DOCK3: variants seen among roughly 807,000 people sequenced by gnomAD.
The protein encoded by DOCK3 is dedicator of cytokinesis protein 3.
Under a neutral mutation model 265.6 loss-of-function variants are expected in DOCK3, and 60 were observed. The observed-to-expected ratio is 0.23, with a 90% CI of 0.18 to 0.28. The LOEUF is 0.28. Ranked by LOEUF, DOCK3 falls within the 10% of genes least tolerant of loss-of-function variation. DOCK3 has a pLI of 1.00. For missense variants in DOCK3, 1,981 were observed against 2,594.3 expected (o/e 0.76, Z 5.14); for synonymous variants, 881 against 938.0 (o/e 0.94, Z 1.11).
chr3:50,857,340 CA>C (rs1226133957), intron 3 of DOCK3, among the ~76,000 whole-genome samples: 1 of 152,100 alleles, frequency 6.6e-6, no homozygotes, highest in Non-Finnish European at 1.5e-5. Flanking sequence ...ATTACTGATT[CA>C]ATTTTTAAAC....
At chr3:51,248,951 G>A (rs1218909804) in intron 22 of DOCK3, among the ~76,000 whole-genome samples, 4 of 146,560 alleles carry the variant, frequency 2.7e-5, no homozygotes, top group East Asian at 2.1e-4. Context: ...GAGACCCTCC[G>A]CCCGGCAGCC....
chr3:50,841,743 C>CTTTTTCTTTTTTT, intron 3 of DOCK3, 28 bp downstream of exon 3: 1 of 483,404 alleles, frequency 2.1e-6, no homozygotes. Context: ...GTTACCTTTT[C>CTTTTTCTTTTTTT]TAATGTAGGA....
At chr3:50,736,169 C>T (rs192558492) in intron 1 of DOCK3, among the ~76,000 whole-genome samples, 7 of 152,032 alleles carry the variant, frequency 4.6e-5, no homozygotes, top group South Asian at 2.1e-4. Flanking sequence ...TTTTGTCTTG[C>T]GATAGTTTGC....
chr3:51,223,569 T>G (rs1019038115), intron 14 of DOCK3, among the ~76,000 whole-genome samples: 1 of 152,024 alleles, frequency 6.6e-6, no homozygotes, highest in Non-Finnish European at 1.5e-5. Flanking sequence ...ATAAAAAAAA[T>G]CTAGACTATT....
intron 27 of DOCK3, among the ~76,000 whole-genome samples, chr3:51,306,193 G>T (rs2082682921): frequency 6.6e-6 from 1 of 151,802 alleles, no homozygotes; most frequent in African/African-American, 2.4e-5. Context: ...TGGTAGTTTT[G>T]CTGGCTGTAG....
chr3:51,302,493 C>T (rs1250463021), intron 27 of DOCK3, among the ~76,000 whole-genome samples: 1 of 151,542 alleles, frequency 6.6e-6, no homozygotes, highest in Non-Finnish European at 1.5e-5. Context: ...ATTTTGCAGA[C>T]TTGTTGATGT....
intron 5 of DOCK3, among the ~76,000 whole-genome samples, chr3:50,994,961 C>G (rs988651614): frequency 6.6e-6 from 1 of 152,094 alleles, no homozygotes; most frequent in Admixed American, 6.5e-5. Context: ...ACCTGTATAG[C>G]ATGATTTTCT....
chr3:51,087,692 G>C (rs1293928661), intron 7 of DOCK3, among the ~76,000 whole-genome samples: 1 of 152,098 alleles, frequency 6.6e-6, no homozygotes, highest in Admixed American at 6.6e-5. Flanking sequence ...AAGTCAAATT[G>C]TTCCTCTTTG....
chr3:51,062,346 T>C (rs975913281), intron 5 of DOCK3, among the ~76,000 whole-genome samples: 2 of 152,178 alleles, frequency 1.3e-5, no homozygotes, highest in African/African-American at 2.4e-5. Context: ...TGACCCTGTT[T>C]TTCCTGAACA....
chr3:50,797,327 G>T lies in DOCK3; in HGVS notation c.121+18569G>T, dbSNP rs141473884. 8.6e-4 allele frequency among the ~76,000 whole-genome samples: 131 copies of T among 152,316 alleles called. 2 individuals are homozygous for T. In the East Asian group the frequency reaches 0.025, roughly 29 times the overall value. On this transcript the variant is annotated intron_variant, in intron 2 of 52. Transcript: ENST00000266037. ...AGTCACTCAGAAAGTGGGAGAGTCCGCTCTTCTCTAGGTCTAGTTTCACTC... is the reference window on the plus strand; with the variant it reads ...AGTCACTCAGAAAGTGGGAGAGTCCTCTCTTCTCTAGGTCTAGTTTCACTC...
chr3:50,864,835 A>T (rs2047067800), intron 3 of DOCK3, among the ~76,000 whole-genome samples: 2 of 151,846 alleles, frequency 1.3e-5, no homozygotes, highest in Non-Finnish European at 2.9e-5. Flanking sequence ...TGTTTTGGTT[A>T]CTATAGCTTT....
chr3:51,210,248 C>A (rs1043292720), intron 13 of DOCK3, among the ~76,000 whole-genome samples: 1 of 152,202 alleles, frequency 6.6e-6, no homozygotes, highest in African/African-American at 2.4e-5. Context: ...CCAGAGCGAG[C>A]AGGGACTGTG....
intron 51 of DOCK3, chr3:51,379,585 C>T: frequency 1.0e-6 from 1 of 985,470 alleles, no homozygotes; most frequent in African/African-American, 1.7e-5. Flanking sequence ...AGAAGACCTC[C>T]AGCGGGTCCC....
chr3:50,733,435 A>G (rs2038345300), intron 1 of DOCK3, among the ~76,000 whole-genome samples: 1 of 152,174 alleles, frequency 6.6e-6, no homozygotes, highest in Non-Finnish European at 1.5e-5. Flanking sequence ...TACTACTGTT[A>G]TATTCCCTTC....
In DOCK3 at chr3:51,277,700, C is replaced by A. The variant is rs773077569; in HGVS notation, c.2769C>A (p.His923Gln). The A allele has an allele frequency of 1.2e-6, 2 of 1,611,070 alleles. No individual in the cohort carries two copies. Among genetic ancestry groups the A allele is most frequent in the Non-Finnish European group, 1.7e-6 (2 of 1,178,982 alleles). ...TGCTCACCATCATGAGCAAATCGCA[C>A]GCTCAGGAGGCGGTAAGAGGGCAGC... ...QTLLTIMSKS[H>Q]AQEAVRGQRC... The change falls in exon 26 of 53, where the codon CAC becomes CAA. Residue 923 changes from histidine (H) to glutamine (Q), a missense_variant. Coordinates refer to ENST00000266037, the MANE Select transcript of DOCK3 (RefSeq NM_004947.5).
At chr3:50,856,765 G>A (rs1315110187) in intron 3 of DOCK3, among the ~76,000 whole-genome samples, 1 of 152,000 alleles carries the variant, frequency 6.6e-6, no homozygotes, top group Non-Finnish European at 1.5e-5. Context: ...CCTTGTTCCA[G>A]TTCTTAGGAG....
chr3:51,195,417 C>CT (rs756616391), intron 12 of DOCK3, among the ~76,000 whole-genome samples: 17 of 151,420 alleles, frequency 1.1e-4, no homozygotes, highest in Admixed American at 3.3e-4. Flanking sequence ...GTTTTCTTTT[C>CT]TTTTTTTGTT....
At chr3:50,994,388 A>G (rs1402927996) in intron 5 of DOCK3, among the ~76,000 whole-genome samples, 1 of 152,176 alleles carries the variant, frequency 6.6e-6, no homozygotes, top group Non-Finnish European at 1.5e-5. Flanking sequence ...TTTTCAGTAA[A>G]GGAAACTCTG....
At position 50,675,271 on chromosome 3, in the gene DOCK3, C is replaced by A; in HGVS notation, c.8C>A (p.Thr3Asn). 1 of 1,256,378 alleles carries A rather than the reference C, an allele frequency of 8.0e-7. No individual in the cohort carries two copies. The highest frequency in any genetic ancestry group is 1.0e-6 in the Non-Finnish European group (1 of 985,588). The allele number at this position is 1,256,378 out of a possible 1,614,324, so 77.8% of individuals were successfully genotyped here. MW[T>N]PTEEEKYGVV... ...GCCGCGCCCGGCACGGCCATGTGGACCCCCACGGAGGAGGAGAAATACGGC... is the reference window on the plus strand; with the variant it reads ...GCCGCGCCCGGCACGGCCATGTGGAACCCCACGGAGGAGGAGAAATACGGC... The change falls in exon 1 of 53, where the codon ACC becomes AAC. Residue 3 changes from threonine to asparagine, a missense_variant. This residue lies in a region of DOCK3 where 456 missense variants were observed against 539.0 expected (regional missense o/e 0.85). Coordinates refer to ENST00000266037, the MANE Select transcript of DOCK3 (RefSeq NM_004947.5). The surrounding 1 kb of genome is among the most constrained non-coding windows in gnomAD (Gnocchi z 6.1).
Sources: allele counts gnomAD v4.1 joint callset (sites outside exome capture counted in the v4.1 genomes callset), GRCh38; gene constraint gnomAD v4.1.1; regional missense constraint gnomAD v4.1.1; non-coding constraint Gnocchi (gnomAD v3.1); transcripts MANE v1.5; gene names NCBI Gene and HGNC (gene_info 2026-07-23, HGNC 2026-07-21).